The following RGPD4 variants were observed in gnomAD, a reference collection of about 807,000 sequenced individuals.
RGPD4 encodes ranBP2-like and GRIP domain-containing protein 4.
Under a neutral mutation model 141.1 loss-of-function variants are expected in RGPD4, and 84 were observed. The ratio of observed to expected loss-of-function variants is 0.60; its 90% CI spans 0.50 to 0.71. The LOEUF (loss-of-function observed/expected upper bound fraction) is 0.71, where lower values mean the gene tolerates loss of function less well. RGPD4 is among the 30% of genes least tolerant of loss of function. The pLI is 0.00. For synonymous variants in RGPD4, 298 were observed against 566.8 expected (o/e 0.53, Z 6.74); for missense variants, 918 against 1,622.4 (o/e 0.57, Z 7.46).
At chr2:107,876,333 C>T (rs1461096147) in intron 20 of RGPD4, among the ~76,000 whole-genome samples, 2 of 149,868 alleles carry the variant, frequency 1.3e-5, no homozygotes, top group African/African-American at 4.9e-5. Context: ...TCGTGATCCA[C>T]CCGCCTCGGC....
chr2:107,881,442 C>T (rs1480058355), intron 21 of RGPD4, among the ~76,000 whole-genome samples: 9 of 151,842 alleles, frequency 5.9e-5, no homozygotes, highest in Admixed American at 2.6e-4. Context: ...CTCAGCCTCC[C>T]GAGTAGCTGA....
intron 22 of RGPD4, among the ~76,000 whole-genome samples, chr2:107,887,128 G>C (rs1199740577): frequency 1.3e-5 from 2 of 151,076 alleles, no homozygotes; most frequent in Non-Finnish European, 2.9e-5. Flanking sequence ...CATAGTCCTA[G>C]CTACTCGGGA....
chr2:107,845,396 A>T (rs1459730929), intron 6 of RGPD4, among the ~76,000 whole-genome samples: 3 of 150,580 alleles, frequency 2.0e-5, no homozygotes, highest in Non-Finnish European at 4.4e-5. Flanking sequence ...AGGAAGCCCC[A>T]GGAGGGCCCT....
rs575752935 is a variant in RGPD4 at position 107,829,575 on chromosome 2, C to T, written c.72+2490C>T. On this transcript the variant is annotated intron_variant, in intron 1 of 22. Transcript: ENST00000408999. ...CCGGCGGCGGCCTCGATGGCTCAGG[C>T]GTCATGGCTCCCGACGGGCGCTGCT... Among the ~76,000 whole-genome samples the T allele has an allele frequency of 1.2e-3, 186 of 149,700 alleles. 10 individuals carry two copies. Among genetic ancestry groups the T allele is most frequent in the African/African-American group, 4.4e-3 (175 of 39,454 alleles).
chr2:107,826,935 C>T lies in RGPD4; in HGVS notation c.-79C>T, dbSNP rs945464926. On this transcript the variant is annotated 5_prime_UTR_variant, in exon 1 of 23. Transcript: ENST00000408999. ...CTACGCGGAGTCAGTGGCTTTCAGG[C>T]GCTTTCCTGTTGGAATTGGCGACTG... 9.0e-6 allele frequency: 14 copies of T among 1,549,208 alleles called. No individual in the cohort carries two copies. Among genetic ancestry groups the T allele is most frequent in the Middle Eastern group, 2.3e-4 (1 of 4,360 alleles).
intron 6 of RGPD4, among the ~76,000 whole-genome samples, chr2:107,844,939 G>A (rs1279000248): frequency 3.8e-5 from 5 of 131,256 alleles, no homozygotes; most frequent in Admixed American, 8.0e-5. Context: ...GGGTTCAGGC[G>A]ATTCTCCTGC....
In RGPD4 at chr2:107,828,777, T is replaced by C. The variant is rs376023751; in HGVS notation, c.72+1692T>C. ...TCGATGGCTCAGGCATCATGGCTCC[T>C]GACGGGCGCTGCTCCCTGGCGCGCT... On this transcript the variant is annotated intron_variant, in intron 1 of 22. Coordinates refer to ENST00000408999, the MANE Select transcript of RGPD4 (RefSeq NM_182588.3). Among the ~76,000 whole-genome samples, 86 of 20,310 alleles carry C rather than the reference T, an allele frequency of 4.2e-3. 2 individuals are homozygous for C. Among genetic ancestry groups the C allele is most frequent in the Non-Finnish European group, 6.0e-3 (56 of 9,324 alleles). 13.3% of individuals were successfully genotyped at this position (20,310 alleles called of 152,430 possible). A position where few individuals can be genotyped will look rare whatever the true frequency, so the allele number is the denominator to read the frequency against.
chr2:107,881,521 T>G (rs1450417064), intron 21 of RGPD4, among the ~76,000 whole-genome samples: 2 of 151,400 alleles, frequency 1.3e-5, no homozygotes, highest in East Asian at 3.9e-4. Context: ...TTTCACCATG[T>G]TGGCCAGGAT....
chr2:107,872,145 G>A lies in RGPD4; in HGVS notation c.4141G>A (p.Asp1381Asn), dbSNP rs767008612. 337 of 1,611,422 alleles carry A rather than the reference G, an allele frequency of 2.1e-4. No individual in the cohort carries two copies. Among genetic ancestry groups the A allele is most frequent in the Non-Finnish European group, 2.7e-4 (323 of 1,179,854 alleles). The change falls in exon 20 of 23, where the codon GAT becomes AAT. Residue 1381 changes from aspartate to asparagine, a missense_variant. By Grantham distance (23) the Asp-to-Asn change is conservative. Transcript: ENST00000408999. Reference sequence around the variant, plus strand: ...TCAATGGAAAGAAAGGGGCATTGGTGATATAAAGATTTTACAGAATTATGA... The same window carrying A: ...TCAATGGAAAGAAAGGGGCATTGGTAATATAAAGATTTTACAGAATTATGA... ...VGQWKERGIG[D>N]IKILQNYDNK...
intron 1 of RGPD4, among the ~76,000 whole-genome samples, chr2:107,829,863 C>A (rs1389952863): frequency 3.3e-5 from 5 of 152,006 alleles, no homozygotes; most frequent in Non-Finnish European, 4.4e-5. Flanking sequence ...GCTGTATCGG[C>A]GGGTTTCTTC....
At chr2:107,844,093 A>T (rs1363808884) in intron 6 of RGPD4, among the ~76,000 whole-genome samples, 1 of 148,402 alleles carries the variant, frequency 6.7e-6, no homozygotes, top group Non-Finnish European at 1.5e-5. Context: ...TTCATCTGTC[A>T]TCAGATGGCT....
Position 107,882,598 on chromosome 2 carries a change from A to C in RGPD4, c.5065-74A>C, listed in dbSNP as rs541967979. On this transcript the variant is annotated intron_variant, in intron 21 of 22. Transcript: ENST00000408999. ...GAAATTTGGGGGGAAGAGAAGAAAA[A>C]TACATGAGTTCAGTCTGCCATATTT... The C allele has an allele frequency of 9.6e-6, 13 of 1,354,556 alleles. No homozygotes were observed. The East Asian group carries it at 3.0e-4, about 31-fold the overall frequency. The allele number at this position is 1,354,556 out of a possible 1,614,324, so 83.9% of individuals were successfully genotyped here.
chr2:107,829,805 C>T (rs1291968671), intron 1 of RGPD4, among the ~76,000 whole-genome samples: 3 of 152,106 alleles, frequency 2.0e-5, no homozygotes, highest in Non-Finnish European at 2.9e-5. Context: ...GCTTTCTGGC[C>T]CCGTAGTACC....
intron 1 of RGPD4, among the ~76,000 whole-genome samples, chr2:107,832,826 A>G (rs1681541037): frequency 6.6e-6 from 1 of 151,336 alleles, no homozygotes; most frequent in African/African-American, 2.4e-5. Flanking sequence ...CTTGGTAACA[A>G]AGGTTTTCTG....
Position 107,826,904 on chromosome 2 carries a change from C to T in RGPD4, c.-110C>T, listed in dbSNP as rs755836475. 10 of 1,543,308 alleles carry T rather than the reference C, an allele frequency of 6.5e-6. No individual in the cohort carries two copies. Among genetic ancestry groups the T allele is most frequent in the Non-Finnish European group, 8.7e-6 (10 of 1,143,754 alleles). On this transcript the variant is annotated 5_prime_UTR_variant, in exon 1 of 23. Transcript: ENST00000408999. ...ACACAAGTTCGTCACAGTGGTCCTC[C>T]GCCGGCTACGCGGAGTCAGTGGCTT...
intron 21 of RGPD4, among the ~76,000 whole-genome samples, chr2:107,881,767 T>C (rs985125527): frequency 2.0e-5 from 3 of 151,500 alleles, no homozygotes; most frequent in South Asian, 2.1e-4. Flanking sequence ...ATGGCTTGGT[T>C]TCAACCTGGA....
rs7562548 is a variant in RGPD4, at chr2:107,870,874, A to G, written c.2870A>G (p.Asn957Ser). ...FQAQDISGQK[N>S]GRGVIFGQTS... is the part of the protein sequence containing the mutation. ...GCTCAGGATATTAGTGGCCAGAAGAATGGCCGTGGTGTGATTTTTGGCCAA... is the reference window on the plus strand; with the variant it reads ...GCTCAGGATATTAGTGGCCAGAAGAGTGGCCGTGGTGTGATTTTTGGCCAA... Residue 957 changes from asparagine to serine, a missense_variant, in exon 20 of 23, where the codon AAT becomes AGT. By Grantham distance (46) the Asn-to-Ser change is conservative. Coordinates refer to ENST00000408999, the MANE Select transcript of RGPD4 (RefSeq NM_182588.3). The G allele has an allele frequency of 0.68, 1,093,684 of 1,597,064 alleles. 384,125 individuals carry two copies. Among genetic ancestry groups the G allele is most frequent in the Middle Eastern group, 0.75 (3,295 of 4,380 alleles).
rs545374166 is a variant in RGPD4 at position 107,886,688 on chromosome 2, G to C, written c.5266+3815G>C. ...CACTAGGGGGGCATTTTGTTACCAA[G>C]GCCTTGAAAATAATAACCAACACTG... On this transcript the variant is annotated intron_variant, in intron 22 of 22. Transcript: ENST00000408999. Among the ~76,000 whole-genome samples the C allele has an allele frequency of 5.6e-4, 85 of 152,172 alleles. 1 individual carries two copies. The highest frequency in any genetic ancestry group is 1.1e-3 in the Non-Finnish European group (74 of 68,036).
At chr2:107,831,730 C>T (rs2083402) in intron 1 of RGPD4, among the ~76,000 whole-genome samples, 1 of 147,622 alleles carries the variant, frequency 6.8e-6, no homozygotes, top group Non-Finnish European at 1.5e-5. Context: ...GCCACAACAC[C>T]CGGCTAATTT....
Sources: allele counts gnomAD v4.1 joint callset (sites outside exome capture counted in the v4.1 genomes callset), GRCh38; gene constraint gnomAD v4.1.1; transcripts MANE v1.5; gene names NCBI Gene and HGNC (gene_info 2026-07-23, HGNC 2026-07-21).